UBR2: variants seen among roughly 807,000 people sequenced by gnomAD.
UBR2 encodes the protein E3 ubiquitin-protein ligase UBR2.
Under a neutral mutation model 247.9 loss-of-function variants are expected in UBR2, and 92 were observed. That is an observed-to-expected ratio of 0.37 (90% CI 0.31 to 0.44). The LOEUF is 0.44. Ranked by LOEUF, UBR2 falls within the 20% of genes least tolerant of loss-of-function variation. UBR2 has a pLI of 1.00. For missense variants in UBR2, 1,613 were observed against 2,112.6 expected, an observed-to-expected ratio of 0.76 and a Z score of 4.64; for synonymous variants, 672 against 693.5, an observed-to-expected ratio of 0.97 and a Z score of 0.49.
At chr6:42,636,855 G>A (rs548697057) in intron 14 of UBR2, among the ~76,000 whole-genome samples, 156 bp from the exon 15 acceptor site, 51 of 151,926 alleles carry the variant, frequency 3.4e-4, no homozygotes, top group Non-Finnish European at 6.5e-4. Flanking sequence ...CTGAGATGAG[G>A]GACACTGGAA....
At position 42,688,285 on chromosome 6, in the gene UBR2, C is replaced by T; in HGVS notation, c.4923C>T (p.Cys1641=). Residue 1641 remains cysteine, a synonymous_variant, in exon 45 of 47, where the codon TGC becomes TGT. Coordinates refer to ENST00000372901, the MANE Select transcript of UBR2 (RefSeq NM_001363705.2). ...GCCTTGTGTGCGGATCTCTGCTGTG[C>T]TCCCAGAGTTACTGCTGCCAGACTG... The part of the protein sequence containing the change: ...TLCLVCGSLL[C]SQSYCCQTEL... The T allele has an allele frequency of 3.1e-6, 5 of 1,614,118 alleles. No individual in the cohort carries two copies. The highest frequency in any genetic ancestry group is 1.3e-5 in the African/African-American group (1 of 75,020).
intron 18 of UBR2, among the ~76,000 whole-genome samples, chr6:42,643,647 A>G (rs1427710249): frequency 2.6e-5 from 4 of 152,312 alleles, no homozygotes; most frequent in Admixed American, 6.5e-5. Context: ...TCAAAAAAAT[A>G]TTAGTTCAGA....
Position 42,678,676 on chromosome 6 carries a change from T to G in UBR2, c.4609+7T>G, listed in dbSNP as rs1392373342. On this transcript the variant is annotated splice_region_variant and intron_variant, in intron 41 of 46. Coordinates refer to ENST00000372901, the MANE Select transcript of UBR2 (RefSeq NM_001363705.2). ...TCCCCACCCGACATTCAAGGTAATT[T>G]ATACTTTCTTTCAAAACGTAGGGAG... 1 of 1,605,962 alleles carries G rather than the reference T, an allele frequency of 6.2e-7. No individual in the cohort carries two copies.
chr6:42,587,496 T>A (rs1792368729), intron 2 of UBR2, among the ~76,000 whole-genome samples: 1 of 152,126 alleles, frequency 6.6e-6, no homozygotes, highest in African/African-American at 2.4e-5. Context: ...TAGCTGAGAC[T>A]ACAGGTGCAT....
intron 2 of UBR2, among the ~76,000 whole-genome samples, chr6:42,588,473 T>C (rs1792436176): frequency 6.6e-6 from 1 of 152,164 alleles, no homozygotes. Context: ...AGTTTAAGAC[T>C]AGCCTGGACA....
Position 42,676,792 on chromosome 6 carries a change from G to C in UBR2, c.4397G>C (p.Gly1466Ala). The C allele has an allele frequency of 6.2e-7, 1 of 1,613,644 alleles. No homozygotes were observed. The highest frequency in any genetic ancestry group is 1.1e-5 in the South Asian group (1 of 91,072). Residue 1466 changes from glycine (G) to alanine (A), a missense_variant, in exon 40 of 47, where the codon GGC (glycine) becomes GCC (alanine). Coordinates refer to ENST00000372901, the MANE Select transcript of UBR2 (RefSeq NM_001363705.2). Reference protein sequence around the residue: ...ILLTSCTEENGMDQENPPCEE... With the variant: ...ILLTSCTEENAMDQENPPCEE... ...TTTCCTTATCTTTCAGAAGAGAATG[G>C]CATGGATCAAGAAAATCCCCCTTGT... is the stretch of plus-strand genomic sequence containing the variant.
At chr6:42,564,583 A>G (rs1387655309) in intron 1 of UBR2, among the ~76,000 whole-genome samples, 186 bp downstream of exon 1, 1 of 152,146 alleles carries the variant, frequency 6.6e-6, no homozygotes, top group Non-Finnish European at 1.5e-5. Flanking sequence ...CATTTTCAAC[A>G]GCTGCCAGAG....
chr6:42,673,699 C>T, intron 36 of UBR2, 92 bp from the exon 37 acceptor site: 2 of 823,054 alleles, frequency 2.4e-6, no homozygotes, highest in Non-Finnish European at 4.1e-6. Context: ...AGAGCAGTTT[C>T]ATTGTGCATC....
intron 11 of UBR2, 132 bp from the exon 12 acceptor site, chr6:42,632,420 T>G: frequency 1.4e-6 from 1 of 706,556 alleles, no homozygotes; most frequent in Non-Finnish European, 2.1e-6. Flanking sequence ...TACACAGTAA[T>G]GCATTTATGA....
rs751232457 is a variant in UBR2 at position 42,644,482 on chromosome 6, C to T, written c.2230C>T (p.Gln744Ter). 1 of 1,611,816 alleles carries T rather than the reference C, an allele frequency of 6.2e-7. No homozygotes were observed. The highest frequency in any genetic ancestry group is 8.5e-7 in the Non-Finnish European group (1 of 1,179,354). Residue 744 changes from glutamine to a stop codon, truncating the protein, a stop_gained, in exon 20 of 47, where the codon CAG becomes TAG. Transcript: ENST00000372901. LOFTEE classifies it high-confidence loss of function. ...SSEITHKDVV[Q>*]QNNTLIEEML... is the part of the protein sequence containing the mutation. ...CCCTCACTTGTTATAGGATGTTGTT[C>T]AGCAGAACAATACTCTAATAGAAGA... is the stretch of plus-strand genomic sequence containing the variant.
In UBR2 at chr6:42,689,630, C is replaced by T. The variant is rs760851431; in HGVS notation, c.5086C>T (p.Pro1696Ser). Residue 1696 changes from proline (P) to serine (S), a missense_variant, in exon 46 of 47, where the codon CCT becomes TCT. Transcript: ENST00000372901. This position sits in a 1 kb window ranked among gnomAD's most constrained non-coding sequence, Gnocchi z 4.0. ...GKTKGCFYSP[P>S]YLDDYGETDQ... Reference sequence around the variant, plus strand: ...AACCAAAGGCTGTTTTTATTCTCCTCCTTACCTTGATGACTATGGGGAGAC... The same window carrying T: ...AACCAAAGGCTGTTTTTATTCTCCTTCTTACCTTGATGACTATGGGGAGAC... The T allele has an allele frequency of 6.2e-7, 1 of 1,614,124 alleles. No homozygotes were observed. The highest frequency in any genetic ancestry group is 8.5e-7 in the Non-Finnish European group (1 of 1,180,014).
intron 11 of UBR2, among the ~76,000 whole-genome samples, chr6:42,625,662 C>A (rs1337696825): frequency 6.6e-6 from 1 of 151,970 alleles, no homozygotes; most frequent in Non-Finnish European, 1.5e-5. Flanking sequence ...CTTGGCCAGG[C>A]TGGTCTCAAG....
chr6:42,568,981 G>A (rs1790947711), intron 1 of UBR2, among the ~76,000 whole-genome samples: 1 of 152,314 alleles, frequency 6.6e-6, no homozygotes, highest in Non-Finnish European at 1.5e-5. Context: ...AATTAGGGAT[G>A]CTCAACCTGT....
intron 18 of UBR2, among the ~76,000 whole-genome samples, chr6:42,643,764 ATAGGT>A (rs930843093): frequency 3.2e-4 from 49 of 152,306 alleles, no homozygotes; most frequent in African/African-American, 1.2e-3. Flanking sequence ...CCAGAAAAAA[ATAGGT>A]TAGGAGATCT....
In UBR2 at chr6:42,621,179, A is replaced by G. The variant is rs143891661; in HGVS notation, c.1281+3672A>G. On this transcript the variant is annotated intron_variant, in intron 11 of 46. Coordinates refer to ENST00000372901, the MANE Select transcript of UBR2 (RefSeq NM_001363705.2). Reference sequence around the variant, plus strand: ...GCTGCCTTTCCCATTTAAATTCCCAATCCATCTATAATTCATTTTTGTGTA... The same window carrying G: ...GCTGCCTTTCCCATTTAAATTCCCAGTCCATCTATAATTCATTTTTGTGTA... 1.8e-3 allele frequency among the ~76,000 whole-genome samples: 275 copies of G among 152,170 alleles called. 1 individual carries two copies. The highest frequency in any genetic ancestry group is 6.4e-3 in the African/African-American group (266 of 41,522).
chr6:42,683,100 A>G lies in UBR2; in HGVS notation c.4764A>G (p.Arg1588=), dbSNP rs766793311. 1.2e-6 allele frequency: 2 copies of G among 1,612,810 alleles called. No homozygotes were observed. The highest frequency in any genetic ancestry group is 1.7e-6 in the Non-Finnish European group (2 of 1,179,474). ...TTAAAAGATATCTAGAAGGTGAAAG[A>G]GATGCTATAAGGTAAGTTAAAGAGC... The part of the protein sequence containing the change: ...SEVKRYLEGE[R]DAIRYPRESN... The change falls in exon 43 of 47, where the codon AGA becomes AGG. Residue 1588 remains arginine (R), a synonymous_variant. Transcript: ENST00000372901.
chr6:42,686,473 A>G (rs1260985278), intron 44 of UBR2, among the ~76,000 whole-genome samples: 2 of 151,812 alleles, frequency 1.3e-5, no homozygotes, highest in African/African-American at 4.8e-5. Flanking sequence ...TCCTATGTCT[A>G]CTTCTTTCTA....
intron 13 of UBR2, 76 bp from the exon 14 acceptor site, chr6:42,635,342 A>G: frequency 4.2e-6 from 6 of 1,415,776 alleles, no homozygotes; most frequent in Non-Finnish European, 4.8e-6. Flanking sequence ...TATTTCTCCT[A>G]CATTACTTCT....
At chr6:42,684,763 G>A in intron 43 of UBR2, 31 bp from the exon 44 acceptor site, 1 of 1,532,056 alleles carries the variant, frequency 6.5e-7, no homozygotes, top group South Asian at 1.1e-5. Flanking sequence ...TAAATTAATG[G>A]AGTGTTCTTT....
Sources: allele counts gnomAD v4.1 joint callset (sites outside exome capture counted in the v4.1 genomes callset), GRCh38; gene constraint gnomAD v4.1.1; non-coding constraint Gnocchi (gnomAD v3.1); transcripts MANE v1.5; gene names NCBI Gene and HGNC (gene_info 2026-07-23, HGNC 2026-07-21).